The following AUTS2 variants were observed in gnomAD, a reference collection of about 807,000 sequenced individuals.
AUTS2 encodes autism susceptibility gene 2 protein.
In AUTS2, 17 loss-of-function variants were observed where a neutral mutation model predicts 112.4. The ratio of observed to expected loss-of-function variants is 0.15; its 90% confidence interval spans 0.10 to 0.23. The LOEUF (loss-of-function observed/expected upper bound fraction) is 0.23. Ranked by LOEUF, AUTS2 falls within the 10% of genes least tolerant of loss-of-function variation. AUTS2 has a pLI of 1.00. For missense variants in AUTS2, 1,510 were observed against 1,701.6 expected, an observed-to-expected ratio of 0.89 and a Z score of 1.98; for synonymous variants, 751 against 702.7, an observed-to-expected ratio of 1.07 and a Z score of -1.09.
chr7:70,583,561 C>T (rs187012513), intron 5 of AUTS2, among the ~76,000 whole-genome samples: 21 of 152,326 alleles, frequency 1.4e-4, no homozygotes, highest in Non-Finnish European at 2.9e-4. Context: ...GCCTAGTAAT[C>T]TACACCTTCA....
chr7:70,248,479 T>A (rs572554905), intron 4 of AUTS2, among the ~76,000 whole-genome samples: 46 of 152,254 alleles, frequency 3.0e-4, no homozygotes, highest in South Asian at 8.3e-4. Flanking sequence ...TGATTTTTTT[T>A]AAAATTTTTT....
At chr7:69,677,427 A>G (rs1014437809) in intron 1 of AUTS2, among the ~76,000 whole-genome samples, 1 of 152,208 alleles carries the variant, frequency 6.6e-6, no homozygotes, top group African/African-American at 2.4e-5. Context: ...GTAAAACTAT[A>G]GTGCTTAACT....
chr7:70,127,063 G>T (rs1806013481), intron 3 of AUTS2, among the ~76,000 whole-genome samples: 2 of 152,066 alleles, frequency 1.3e-5, no homozygotes, highest in South Asian at 4.1e-4. Flanking sequence ...CTGACCTCAG[G>T]CAATCCACCC....
chr7:70,431,073 G>A (rs1255810256), intron 4 of AUTS2, among the ~76,000 whole-genome samples: 3 of 151,934 alleles, frequency 2.0e-5, no homozygotes, highest in Admixed American at 6.6e-5. Flanking sequence ...TCCTGACCTC[G>A]TGATCCGCCC....
chr7:69,604,948 T>C lies in AUTS2; in HGVS notation c.309+4986T>C, dbSNP rs537775820. Among the ~76,000 whole-genome samples, 21 of 152,374 alleles carry C rather than the reference T, an allele frequency of 1.4e-4. No individual in the cohort carries two copies. In the East Asian group the frequency reaches 4.0e-3, roughly 29 times the overall value. Reference sequence around the variant, plus strand: ...TGTTTTTTAGTCTGAAACAGAGTGATCTACCGCCAAATAGTTTCTGAAACT... The same window carrying C: ...TGTTTTTTAGTCTGAAACAGAGTGACCTACCGCCAAATAGTTTCTGAAACT... On this transcript the variant is annotated intron_variant, in intron 1 of 18. Coordinates refer to ENST00000342771, the MANE Select transcript of AUTS2 (RefSeq NM_015570.4).
chr7:70,613,894 C>T (rs565406403), intron 5 of AUTS2, among the ~76,000 whole-genome samples: 5 of 152,360 alleles, frequency 3.3e-5, no homozygotes, highest in Admixed American at 3.3e-4. Flanking sequence ...CATGCATTCA[C>T]ATCCACTTAC....
chr7:69,678,137 T>A (rs1408635669), intron 1 of AUTS2, among the ~76,000 whole-genome samples: 1 of 152,056 alleles, frequency 6.6e-6, no homozygotes, highest in Admixed American at 6.6e-5. Context: ...CTGGAAGTGC[T>A]CATCTGAAAG....
chr7:70,639,908 T>G (rs963499148), intron 5 of AUTS2, among the ~76,000 whole-genome samples: 2 of 152,210 alleles, frequency 1.3e-5, no homozygotes, highest in African/African-American at 2.4e-5. Flanking sequence ...TCAGCACTGC[T>G]TGTGCAATCA....
At chr7:69,871,645 C>T (rs1292770456) in intron 1 of AUTS2, among the ~76,000 whole-genome samples, 1 of 152,080 alleles carries the variant, frequency 6.6e-6, no homozygotes, top group East Asian at 1.9e-4. Context: ...TTTTTGTGAT[C>T]TGTTGATCTG....
intron 1 of AUTS2, among the ~76,000 whole-genome samples, chr7:69,679,896 A>AT (rs1221635764): frequency 6.6e-6 from 1 of 152,146 alleles, no homozygotes; most frequent in Non-Finnish European, 1.5e-5. Context: ...TTTTTTTTTA[A>AT]CTTTTGTGAC....
chr7:69,604,397 A>G (rs547267559), intron 1 of AUTS2, among the ~76,000 whole-genome samples: 41 of 152,268 alleles, frequency 2.7e-4, no homozygotes, highest in Non-Finnish European at 4.7e-4. Context: ...GAAACCAAAC[A>G]TAAATCTAGC....
At chr7:70,008,911 A>G (rs903486741) in intron 2 of AUTS2, among the ~76,000 whole-genome samples, 3 of 152,168 alleles carry the variant, frequency 2.0e-5, no homozygotes, top group Non-Finnish European at 4.4e-5. Context: ...TATATGGCCC[A>G]TATAGATATG....
chr7:70,787,491 G>A (rs963013937), intron 18 of AUTS2, 60 bp downstream of exon 18: 6 of 1,264,328 alleles, frequency 4.7e-6, no homozygotes, highest in Admixed American at 2.4e-5. Flanking sequence ...CCAAGTACCA[G>A]TGGAACTGGC....
chr7:70,527,565 A>C, intron 5 of AUTS2, among the ~76,000 whole-genome samples: 1 of 152,128 alleles, frequency 6.6e-6, no homozygotes, highest in African/African-American at 2.4e-5. Flanking sequence ...GCCGTAGATC[A>C]AATGAAAAGA....
intron 5 of AUTS2, among the ~76,000 whole-genome samples, chr7:70,621,997 T>C (rs1245960192): frequency 3.3e-5 from 5 of 151,784 alleles, no homozygotes. Flanking sequence ...CAGGTGTGCG[T>C]CACGACACCC....
At chr7:70,348,536 G>A (rs1197902738) in intron 4 of AUTS2, among the ~76,000 whole-genome samples, 1 of 152,164 alleles carries the variant, frequency 6.6e-6, no homozygotes, top group East Asian at 1.9e-4. Context: ...TGGGCACGGT[G>A]GCTCACGCCT....
chr7:70,272,375 A>G (rs1388622101), intron 4 of AUTS2, among the ~76,000 whole-genome samples: 1 of 152,218 alleles, frequency 6.6e-6, no homozygotes, highest in African/African-American at 2.4e-5. Context: ...GCGTTAATCA[A>G]AATAATGTGG....
intron 4 of AUTS2, among the ~76,000 whole-genome samples, chr7:70,315,084 A>T (rs1789933172): frequency 6.6e-6 from 1 of 152,180 alleles, no homozygotes; most frequent in Non-Finnish European, 1.5e-5. Flanking sequence ...ATAGTTTCTT[A>T]ATACCCACCA....
At chr7:70,141,895 T>A (rs1806884675) in intron 4 of AUTS2, among the ~76,000 whole-genome samples, 1 of 152,158 alleles carries the variant, frequency 6.6e-6, no homozygotes, top group Non-Finnish European at 1.5e-5. Flanking sequence ...ACAGGATGAC[T>A]TTTCCAGCAC....
Sources: allele counts gnomAD v4.1 joint callset (sites outside exome capture counted in the v4.1 genomes callset), GRCh38; gene constraint gnomAD v4.1.1; transcripts MANE v1.5; gene names NCBI Gene and HGNC (gene_info 2026-07-23, HGNC 2026-07-21).